The following PSMD4 variants were observed in gnomAD, a reference collection of about 807,000 sequenced individuals.
The protein encoded by PSMD4 is proteasome 26S subunit ubiquitin receptor, non-ATPase 4.
Under a neutral mutation model 39.7 loss-of-function variants are expected in PSMD4, and 5 were observed. That is an observed-to-expected ratio of 0.13 (90% CI 0.07 to 0.26). The LOEUF is 0.26. Ranked by LOEUF, PSMD4 falls within the 10% of genes least tolerant of loss-of-function variation. PSMD4 has a pLI of 1.00. For missense variants in PSMD4, 272 were observed against 486.1 expected, an observed-to-expected ratio of 0.56 and a Z score of 4.14; for synonymous variants, 143 against 174.6, an observed-to-expected ratio of 0.82 and a Z score of 1.43.
At chr1:151,266,922 A>G in intron 9 of PSMD4, 1 of 708,094 alleles carries the variant, frequency 1.4e-6, no homozygotes. Context: ...ATGTGATGGC[A>G]TCTGTTTTTC....
chr1:151,267,350 A>G lies in PSMD4; in HGVS notation c.*7A>G. ...GGAGGAAGACAAGAAGTGAGACTGG[A>G]GGGAAAGGGTAGCTGAGTCTGCTTA... On this transcript the variant is annotated 3_prime_UTR_variant, in exon 10 of 10. Coordinates refer to ENST00000368884, the MANE Select transcript of PSMD4 (RefSeq NM_002810.4). 6.2e-7 allele frequency: 1 copy of G among 1,613,638 alleles called. No homozygotes were observed. Among genetic ancestry groups the G allele is most frequent in the Non-Finnish European group, 8.5e-7 (1 of 1,179,638 alleles).
intron 7 of PSMD4, 86 bp downstream of exon 7, chr1:151,266,198 G>A: frequency 6.3e-7 from 1 of 1,591,822 alleles, no homozygotes; most frequent in Non-Finnish European, 8.6e-7. Context: ...AGAGTGTGGA[G>A]GTCTGACAGG....
intron 1 of PSMD4, 136 bp downstream of exon 1, chr1:151,254,944 C>A: frequency 9.1e-7 from 1 of 1,102,980 alleles, no homozygotes; most frequent in Non-Finnish European, 1.2e-6. Flanking sequence ...AAGGAGCCCG[C>A]TGGACTCCCT....
chr1:151,256,770 T>C lies in PSMD4; in HGVS notation c.26+1962T>C, dbSNP rs587717378. Among the ~76,000 whole-genome samples, 442 of 142,450 alleles carry C rather than the reference T, an allele frequency of 3.1e-3. 6 individuals carry two copies. The highest frequency in any genetic ancestry group is 0.011 in the African/African-American group (413 of 37,850). 93.5% of individuals were successfully genotyped at this position (142,450 alleles called of 152,430 possible). On this transcript the variant is annotated intron_variant, in intron 1 of 9. Transcript: ENST00000368884. ...CCACTTTTTTTTTTTTTCGCTCTTA[T>C]TGCCCAGGCTGGAGTGCAATGACAC...
chr1:151,255,660 C>T (rs954565642), intron 1 of PSMD4, among the ~76,000 whole-genome samples: 2 of 152,114 alleles, frequency 1.3e-5, no homozygotes, highest in East Asian at 3.9e-4. Context: ...TTTTTATTTT[C>T]TCGGGGGAGC....
At chr1:151,264,054 CT>C in intron 3 of PSMD4, 26 bp downstream of exon 3, 1 of 1,485,766 alleles carries the variant, frequency 6.7e-7, no homozygotes, top group Non-Finnish European at 9.2e-7. Context: ...TTCCCTGGAC[CT>C]TTCCTCCCTG....
At chr1:151,265,009 G>C in intron 4 of PSMD4, 91 bp downstream of exon 4, 5 of 1,368,790 alleles carry the variant, frequency 3.7e-6, no homozygotes, top group Non-Finnish European at 5.1e-6. Flanking sequence ...GAGGCATCAG[G>C]CTCATCACTT....
At chr1:151,261,184 T>TTC (rs1055375931) in intron 1 of PSMD4, among the ~76,000 whole-genome samples, 2 of 147,328 alleles carry the variant, frequency 1.4e-5, no homozygotes, top group African/African-American at 5.0e-5. Context: ...CTTTTTCTTT[T>TTC]TTTTTTTTTT....
intron 9 of PSMD4, chr1:151,266,813 A>C: frequency 1.3e-6 from 1 of 745,262 alleles, no homozygotes; most frequent in Non-Finnish European, 2.4e-6. Flanking sequence ...TGGTGGGAGC[A>C]GCCTGGGCAG....
chr1:151,265,262 G>T, intron 5 of PSMD4, 28 bp downstream of exon 5: 2 of 1,606,262 alleles, frequency 1.2e-6, no homozygotes, highest in Non-Finnish European at 1.7e-6. Flanking sequence ...GGAGGGCATT[G>T]ACTTAATTTG....
Position 151,265,501 on chromosome 1 carries a change from T to C in PSMD4, c.546T>C (p.Ala182=). Residue 182 remains alanine, a synonymous_variant, in exon 6 of 10, where the codon GCT becomes GCC. Transcript: ENST00000368884. ...TVPPGPSLAD[A]LISSPILAGE... is the part of the protein sequence containing the mutation. Reference sequence around the variant, plus strand: ...CTCCTGGGCCCAGTTTGGCTGATGCTCTCATCAGTTCTCCGATTTTGGCTG... The same window carrying C: ...CTCCTGGGCCCAGTTTGGCTGATGCCCTCATCAGTTCTCCGATTTTGGCTG... The C allele has an allele frequency of 6.2e-7, 1 of 1,614,186 alleles. No homozygotes were observed. Among genetic ancestry groups the C allele is most frequent in the Non-Finnish European group, 8.5e-7 (1 of 1,180,024 alleles).
chr1:151,254,966 G>T (rs900743320), intron 1 of PSMD4, among the ~76,000 whole-genome samples, 158 bp downstream of exon 1: 1 of 152,224 alleles, frequency 6.6e-6, no homozygotes, highest in Admixed American at 6.5e-5. Flanking sequence ...AGTCATCCCG[G>T]GGCCCTGGAG....
At chr1:151,256,372 T>TA (rs1389918110) in intron 1 of PSMD4, among the ~76,000 whole-genome samples, 15 of 126,168 alleles carry the variant, frequency 1.2e-4, no homozygotes, top group Non-Finnish European at 1.9e-4. Flanking sequence ...ATAAAATAAA[T>TA]AAATAAATAA....
chr1:151,259,603 T>C (rs1321930342), intron 1 of PSMD4, among the ~76,000 whole-genome samples: 1 of 152,044 alleles, frequency 6.6e-6, no homozygotes, highest in South Asian at 2.1e-4. Context: ...AAATGAGATG[T>C]CTTGGCTAGG....
chr1:151,263,788 G>T, intron 2 of PSMD4, 126 bp from the exon 3 acceptor site: 1 of 596,804 alleles, frequency 1.7e-6, no homozygotes, highest in Non-Finnish European at 2.8e-6. Flanking sequence ...CCGAGATCAC[G>T]CCACGCACTC....
intron 1 of PSMD4, among the ~76,000 whole-genome samples, chr1:151,255,735 ATT>A (rs1014605771): frequency 4.0e-5 from 6 of 151,326 alleles, no homozygotes; most frequent in Admixed American, 3.3e-4. Flanking sequence ...ACGATGAATA[ATT>A]TTTTTTTGAG....
chr1:151,265,069 G>A (rs897687440), intron 4 of PSMD4, 97 bp from the exon 5 acceptor site: 113 of 1,309,560 alleles, frequency 8.6e-5, no homozygotes, highest in Non-Finnish European at 1.1e-4. Context: ...GAGGACCTTG[G>A]GGAGGTCAAT....
Position 151,267,158 on chromosome 1 carries a change from A to T in PSMD4, c.964-15A>T, listed in dbSNP as rs587621040. 1.9e-6 allele frequency: 3 copies of T among 1,613,806 alleles called. No homozygotes were observed. Among genetic ancestry groups the T allele is most frequent in the East Asian group, 2.2e-5 (1 of 44,886 alleles). ...GCTCCATACCCTCCCTTGAGCTCAC[A>T]CTGCCTGTTTGCAGGAGGAGGATGA... On this transcript the variant is annotated splice_polypyrimidine_tract_variant and intron_variant, in intron 9 of 9. Coordinates refer to ENST00000368884, the MANE Select transcript of PSMD4 (RefSeq NM_002810.4).
At chr1:151,258,390 G>C (rs140840284) in intron 1 of PSMD4, among the ~76,000 whole-genome samples, 6 of 151,474 alleles carry the variant, frequency 4.0e-5, no homozygotes, top group African/African-American at 1.5e-4. Context: ...AGTGCATCAT[G>C]GGGAACCTGC....
Sources: allele counts gnomAD v4.1 joint callset (sites outside exome capture counted in the v4.1 genomes callset), GRCh38; gene constraint gnomAD v4.1.1; transcripts MANE v1.5; gene names NCBI Gene and HGNC (gene_info 2026-07-23, HGNC 2026-07-21).